Variants in TPST2 observed in about 807,000 individuals in gnomAD.
The protein encoded by TPST2 is protein-tyrosine sulfotransferase 2.
Under a neutral mutation model 27.8 loss-of-function variants are expected in TPST2, and 16 were observed. The observed-to-expected ratio is 0.58, with a 90% CI of 0.39 to 0.88. The LOEUF (loss-of-function observed/expected upper bound fraction) is 0.88. Ranked by LOEUF, TPST2 falls within the 40% of genes least tolerant of loss-of-function variation. The probability of loss-of-function intolerance (pLI) is 0.00; values close to 1 mark genes in which losing one functional copy is unlikely to be tolerated. For synonymous variants in TPST2, 229 were observed against 231.7 expected, an observed-to-expected ratio of 0.99 and a Z score of 0.10; for missense variants, 464 against 543.1, an observed-to-expected ratio of 0.85 and a Z score of 1.45.
chr22:26,534,547 G>A (rs940470387), intron 4 of TPST2, among the ~76,000 whole-genome samples: 2 of 152,194 alleles, frequency 1.3e-5, no homozygotes, highest in African/African-American at 4.8e-5. Context: ...CTCCAGGAAC[G>A]TCCGACCCAT....
At position 26,536,293 on chromosome 22, in the gene TPST2, G is replaced by C; in HGVS notation, c.1036C>G (p.Gln346Glu). ...NPDPFVINNTQRVLKGDYKTP... is the reference protein window; with the variant it reads ...NPDPFVINNTERVLKGDYKTP... Reference sequence around the variant, plus strand: ...AAGTACAGGTGCACACTCACCCGCTGTGTGTTGTTGATGACGAAGGGGTCA... The same window carrying C: ...AAGTACAGGTGCACACTCACCCGCTCTGTGTTGTTGATGACGAAGGGGTCA... Residue 346 changes from glutamine (Q) to glutamate (E), a missense_variant, in exon 4 of 7, where the codon CAG becomes GAG. Coordinates refer to ENST00000338754, the MANE Select transcript of TPST2 (RefSeq NM_003595.5). 1 of 1,614,198 alleles carries C rather than the reference G, an allele frequency of 6.2e-7. No homozygotes were observed. The highest frequency in any genetic ancestry group is 8.5e-7 in the Non-Finnish European group (1 of 1,180,042).
intron 1 of TPST2, among the ~76,000 whole-genome samples, chr22:26,576,879 A>G (rs1446673346): frequency 2.6e-5 from 4 of 151,744 alleles, no homozygotes; most frequent in Admixed American, 2.6e-4. Flanking sequence ...GGTGGATCAC[A>G]AGGTCAGGAG....
chr22:26,573,542 T>C (rs1234581068), intron 1 of TPST2, among the ~76,000 whole-genome samples: 2 of 152,258 alleles, frequency 1.3e-5, no homozygotes, highest in Non-Finnish European at 2.9e-5. Flanking sequence ...GTTTATGGCT[T>C]TTCTGATTGC....
At chr22:26,581,318 C>T (rs759416809) in intron 1 of TPST2, among the ~76,000 whole-genome samples, 8 of 152,158 alleles carry the variant, frequency 5.3e-5, no homozygotes, top group Non-Finnish European at 7.3e-5. Context: ...TCCCTGCCAA[C>T]CCCATGGAAT....
chr22:26,572,139 T>C (rs1238410310), intron 1 of TPST2, among the ~76,000 whole-genome samples: 1 of 152,216 alleles, frequency 6.6e-6, no homozygotes, highest in Non-Finnish European at 1.5e-5. Context: ...TCAGTCCACC[T>C]TCGACCCCTG....
chr22:26,535,941 A>T (rs1381399671), intron 4 of TPST2: 1 of 393,968 alleles, frequency 2.5e-6, no homozygotes, highest in Non-Finnish European at 4.9e-6. Flanking sequence ...ACCCCCTCTC[A>T]ACAAAGACTT....
intron 1 of TPST2, among the ~76,000 whole-genome samples, chr22:26,589,157 C>G (rs1036937735): frequency 2.0e-5 from 3 of 152,130 alleles, no homozygotes; most frequent in Admixed American, 6.5e-5. Context: ...ATCCTAGGGT[C>G]ACGGGCAGGT....
Position 26,528,263 on chromosome 22 carries a change from C to A in TPST2, c.1093-1G>T, listed in dbSNP as rs865940693. 6.4e-7 allele frequency: 1 copy of A among 1,561,804 alleles called. No homozygotes were observed. Among genetic ancestry groups the A allele is most frequent in the Non-Finnish European group, 8.7e-7 (1 of 1,151,346 alleles). ...GGGAGGAGGTGCTGTTCTGGTTCACCTGGAGAAAGACAATACACAGAAGAA... is the reference window on the plus strand; with the variant it reads ...GGGAGGAGGTGCTGTTCTGGTTCACATGGAGAAAGACAATACACAGAAGAA... On this transcript the variant is annotated splice_acceptor_variant, in intron 5 of 6. Coordinates refer to ENST00000338754, the MANE Select transcript of TPST2 (RefSeq NM_003595.5). LOFTEE classifies it high-confidence loss of function.
At chr22:26,589,419 A>G (rs1216589983) in intron 1 of TPST2, among the ~76,000 whole-genome samples, 2 of 151,318 alleles carry the variant, frequency 1.3e-5, no homozygotes, top group Admixed American at 1.3e-4. Context: ...GGCACCTCCC[A>G]TCCAGCTCAC....
At chr22:26,550,712 C>G (rs1210346912) in intron 1 of TPST2, 3 of 962,956 alleles carry the variant, frequency 3.1e-6, no homozygotes, top group Admixed American at 6.2e-5. Context: ...CCAACCCTAC[C>G]AGACCACGCT....
chr22:26,560,904 A>G lies in TPST2; in HGVS notation c.-160-16229T>C, dbSNP rs1187665803. 3 of 1,605,628 alleles carry G rather than the reference A, an allele frequency of 1.9e-6. No homozygotes were observed. In the African/African-American group the frequency reaches 4.0e-5, roughly 21 times the overall value. On this transcript the variant is annotated intron_variant, in intron 1 of 6. Coordinates refer to ENST00000338754, the MANE Select transcript of TPST2 (RefSeq NM_003595.5). ...TGGCCTGTCCATTGGTGATGTTGCG[A>G]AGAAACTGGGAGAGATGTGGAATAA...
Position 26,560,801 on chromosome 22 carries a change from G to C in TPST2, c.-160-16126C>G. On this transcript the variant is annotated intron_variant, in intron 1 of 6. Transcript: ENST00000338754. ...AGACAAAAAAGAAGTTCAAGGATCCGAATGCACCCAAGAGGACTCCTTCGG... is the reference window on the plus strand; with the variant it reads ...AGACAAAAAAGAAGTTCAAGGATCCCAATGCACCCAAGAGGACTCCTTCGG... 3.6e-6 allele frequency: 5 copies of C among 1,381,766 alleles called. No homozygotes were observed. The South Asian group carries it at 5.8e-5, about 16-fold the overall frequency. 85.6% of individuals were successfully genotyped at this position (1,381,766 alleles called of 1,614,324 possible).
chr22:26,560,406 A>G, intron 1 of TPST2: 1 of 623,318 alleles, frequency 1.6e-6, no homozygotes, highest in African/African-American at 1.8e-5. Flanking sequence ...TGACTTTTGT[A>G]AGGATTAAAT....
At chr22:26,528,708 C>T (rs947520244) in intron 5 of TPST2, among the ~76,000 whole-genome samples, 7 of 152,162 alleles carry the variant, frequency 4.6e-5, no homozygotes, top group East Asian at 1.9e-4. Context: ...CTTGGCCGGG[C>T]GCCATGGCTC....
chr22:26,532,759 A>G lies in TPST2; in HGVS notation c.1042-14T>C. 1.2e-6 allele frequency: 2 copies of G among 1,611,884 alleles called. No individual in the cohort carries two copies. The highest frequency in any genetic ancestry group is 2.2e-5 in the South Asian group (2 of 90,674). ...CCCTTTCAAGACCTAAGGAAGAGAAAAAGAAATATCACTATTATGAAAATG... is the reference window on the plus strand; with the variant it reads ...CCCTTTCAAGACCTAAGGAAGAGAAGAAGAAATATCACTATTATGAAAATG... On this transcript the variant is annotated splice_polypyrimidine_tract_variant and intron_variant, in intron 4 of 6. Coordinates refer to ENST00000338754, the MANE Select transcript of TPST2 (RefSeq NM_003595.5).
chr22:26,559,248 C>T (rs1926960841), intron 1 of TPST2, among the ~76,000 whole-genome samples: 1 of 152,206 alleles, frequency 6.6e-6, no homozygotes, highest in Admixed American at 6.5e-5. Flanking sequence ...TGCCTGTAAT[C>T]CCAGCTGCTC....
rs542366347 is a variant in TPST2 at position 26,582,915 on chromosome 22, G to C, written c.-161+7138C>G. Among the ~76,000 whole-genome samples, 121 of 152,130 alleles carry C rather than the reference G, an allele frequency of 8.0e-4. 2 individuals carry two copies. The highest frequency in any genetic ancestry group is 1.4e-3 in the Non-Finnish European group (93 of 67,976). On this transcript the variant is annotated intron_variant, in intron 1 of 6. Coordinates refer to ENST00000338754, the MANE Select transcript of TPST2 (RefSeq NM_003595.5). ...AACAGTTAGGTAGGGGCCTGTACCA[G>C]GTAAGGTGGCACGGCACCCTAGCGC...
At chr22:26,574,825 A>T (rs1927768134) in intron 1 of TPST2, among the ~76,000 whole-genome samples, 1 of 152,150 alleles carries the variant, frequency 6.6e-6, no homozygotes, top group Non-Finnish European at 1.5e-5. Context: ...CAGCCCCGCC[A>T]GGGACTTGCC....
In TPST2 at chr22:26,536,381, G is replaced by T. The variant is rs150855281; in HGVS notation, c.948C>A (p.Ile316=). The T allele has an allele frequency of 4.4e-6, 7 of 1,607,628 alleles. No individual in the cohort carries two copies. The highest frequency in any genetic ancestry group is 5.1e-6 in the Non-Finnish European group (6 of 1,175,106). Residue 316 remains isoleucine (I), a synonymous_variant, in exon 4 of 7, where the codon ATC becomes ATA. Coordinates refer to ENST00000338754, the MANE Select transcript of TPST2 (RefSeq NM_003595.5). ...PGDVVRDMAQ[I]APMLAQLGYD... ...AGCCGAGCTGAGCCAGCATGGGGGC[G>T]ATCTGGGCCATGTCCCGCACCACAT...
Sources: allele counts gnomAD v4.1 joint callset (sites outside exome capture counted in the v4.1 genomes callset), GRCh38; gene constraint gnomAD v4.1.1; transcripts MANE v1.5; gene names NCBI Gene and HGNC (gene_info 2026-07-23, HGNC 2026-07-21).